GPSM2: variants seen among roughly 807,000 people sequenced by gnomAD.
GPSM2 encodes the protein G protein signaling modulator 2.
A neutral mutation model predicts 78.4 loss-of-function variants in GPSM2; 58 were observed. The ratio of observed to expected loss-of-function variants is 0.74; its 90% confidence interval spans 0.60 to 0.92. The LOEUF is 0.92. Among genes scored for constraint, GPSM2 ranks in the 40% least tolerant of loss-of-function variants. GPSM2 has a pLI of 0.00. For synonymous variants in GPSM2, 224 were observed against 280.2 expected, an observed-to-expected ratio of 0.80 and a Z score of 2.00; for missense variants, 700 against 815.5, an observed-to-expected ratio of 0.86 and a Z score of 1.73.
At chr1:108,887,131 G>A (rs1251780741) in intron 2 of GPSM2, among the ~76,000 whole-genome samples, 1 of 152,070 alleles carries the variant, frequency 6.6e-6, no homozygotes, top group Admixed American at 6.6e-5. Flanking sequence ...CAAGTGATAT[G>A]CCCGCCTTGG....
intron 10 of GPSM2, among the ~76,000 whole-genome samples, chr1:108,905,887 T>C (rs1258152952): frequency 2.0e-5 from 3 of 152,184 alleles, no homozygotes; most frequent in African/African-American, 7.2e-5. Flanking sequence ...ATTACTTAAC[T>C]TTGGTTAATT....
intron 8 of GPSM2, 26 bp from the exon 9 acceptor site, chr1:108,903,100 C>T: frequency 7.5e-7 from 1 of 1,340,006 alleles, no homozygotes; most frequent in Non-Finnish European, 1.1e-6. Context: ...CAAATAACTG[C>T]ATGTTCGCTT....
intron 1 of GPSM2, among the ~76,000 whole-genome samples, chr1:108,884,043 A>G (rs1023366611): frequency 6.6e-6 from 1 of 152,032 alleles, no homozygotes; most frequent in African/African-American, 2.4e-5. Context: ...CCCGGGTTCA[A>G]GTGATTCTCA....
At chr1:108,904,924 A>G (rs1481335014) in intron 10 of GPSM2, among the ~76,000 whole-genome samples, 2 of 152,188 alleles carry the variant, frequency 1.3e-5, no homozygotes, top group African/African-American at 4.8e-5. Context: ...TTTAAATTTC[A>G]TCAGTATGTG....
intron 11 of GPSM2, among the ~76,000 whole-genome samples, 155 bp from the exon 12 acceptor site, chr1:108,918,458 A>G (rs908797696): frequency 6.6e-6 from 1 of 152,242 alleles, no homozygotes; most frequent in Non-Finnish European, 1.5e-5. Context: ...ATAGTGCAAT[A>G]TACTAAAAAG....
At chr1:108,929,396 C>T in intron 14 of GPSM2, 1 of 361,250 alleles carries the variant, frequency 2.8e-6, no homozygotes, top group South Asian at 2.8e-5. Flanking sequence ...TGTCTTTTAT[C>T]CTTGTGACCA....
rs201481482 is a variant in GPSM2, at chr1:108,922,546, T to A, written c.1570T>A (p.Ser524Thr). 4.9e-6 allele frequency: 4 copies of A among 822,286 alleles called. No homozygotes were observed. The highest frequency in any genetic ancestry group is 5.0e-6 in the Non-Finnish European group (3 of 605,360). 50.9% of individuals were successfully genotyped at this position (822,286 alleles called of 1,614,324 possible). Residue 524 changes from serine (S) to threonine (T), a missense_variant, in exon 13 of 15, where the codon TCT becomes ACT. Coordinates refer to ENST00000264126, the MANE Select transcript of GPSM2 (RefSeq NM_013296.5). The stretch of plus-strand genomic sequence containing the variant: ...CTGCCATACAGCTTCAACAACAACT[T>A]CTTCCACTCCCCCTAAAATGATGCT... ...KNCHTASTTT[S>T]STPPKMMLKT... is the part of the protein sequence containing the mutation.
chr1:108,911,780 A>G (rs1239809699), intron 10 of GPSM2, among the ~76,000 whole-genome samples: 2 of 150,442 alleles, frequency 1.3e-5, no homozygotes, highest in Non-Finnish European at 2.9e-5. Context: ...GTGATAAACC[A>G]TACTCAAGTG....
intron 12 of GPSM2, among the ~76,000 whole-genome samples, chr1:108,920,227 G>A (rs895443966): frequency 3.9e-5 from 6 of 151,996 alleles, no homozygotes; most frequent in Non-Finnish European, 7.4e-5. Flanking sequence ...CCAGCACTTC[G>A]GGAGGCCAAG....
In GPSM2 at chr1:108,931,642, A is replaced by G; in HGVS notation, c.*1702A>G. The G allele has an allele frequency of 1.9e-6, 2 of 1,064,300 alleles. No individual in the cohort carries two copies. The highest frequency in any genetic ancestry group is 2.8e-5 in the East Asian group (1 of 35,318). 65.9% of individuals were successfully genotyped at this position (1,064,300 alleles called of 1,614,324 possible). A position where few individuals can be genotyped will look rare whatever the true frequency, so the allele number is the denominator to read the frequency against. On this transcript the variant is annotated 3_prime_UTR_variant, in exon 15 of 15. Transcript: ENST00000264126. ...AAGTGCTCAGCTAAAAAAAAAAAAA[A>G]AGTTCTAAATTACAACCTGGATTAC...
At chr1:108,900,907 G>C (rs1251468989) in intron 7 of GPSM2, among the ~76,000 whole-genome samples, 1 of 144,548 alleles carries the variant, frequency 6.9e-6, no homozygotes, top group Non-Finnish European at 1.5e-5. Flanking sequence ...AGTTATAAGT[G>C]ATATGAAGTA....
chr1:108,886,999 G>T (rs1193605211), intron 2 of GPSM2, among the ~76,000 whole-genome samples: 3 of 151,728 alleles, frequency 2.0e-5, no homozygotes, highest in Non-Finnish European at 2.9e-5. Context: ...CGATTCTCTT[G>T]TCTCAGCTTC....
chr1:108,929,328 ACAGTTGATG>A, intron 14 of GPSM2, among the ~76,000 whole-genome samples: 1 of 152,200 alleles, frequency 6.6e-6, no homozygotes, highest in Non-Finnish European at 1.5e-5. Flanking sequence ...GTTAAGTTAC[ACAGTTGATG>A]CCTGTTAGAT....
intron 10 of GPSM2, chr1:108,909,566 G>A (rs1649534724): frequency 6.6e-6 from 1 of 152,162 alleles, no homozygotes; most frequent in African/African-American, 2.4e-5. Flanking sequence ...TTTGTGGCAT[G>A]TGACTTACAT....
In GPSM2 at chr1:108,934,534, T is replaced by C. The variant is rs1652565920; in HGVS notation, c.*4594T>C. The C allele has an allele frequency of 3.1e-6, 3 of 969,610 alleles. No individual in the cohort carries two copies. The highest frequency in any genetic ancestry group is 3.0e-6 in the Non-Finnish European group (2 of 671,456). The allele number at this position is 969,610 out of a possible 1,614,324, so 60.1% of individuals were successfully genotyped here. A position where few individuals can be genotyped will look rare whatever the true frequency, so the allele number is the denominator to read the frequency against. The stretch of plus-strand genomic sequence containing the variant: ...CTAATTGTCAGTAAAAATGTGAATG[T>C]TGAAGTTGAAATGTGAATGTTGAAG... On this transcript the variant is annotated 3_prime_UTR_variant, in exon 15 of 15. Coordinates refer to ENST00000264126, the MANE Select transcript of GPSM2 (RefSeq NM_013296.5).
chr1:108,931,624 C>T lies in GPSM2; in HGVS notation c.*1684C>T. On this transcript the variant is annotated 3_prime_UTR_variant, in exon 15 of 15. Coordinates refer to ENST00000264126, the MANE Select transcript of GPSM2 (RefSeq NM_013296.5). Reference sequence around the variant, plus strand: ...CCTGGAATTAATTACATTAAGTGCTCAGCTAAAAAAAAAAAAAAAGTTCTA... The same window carrying T: ...CCTGGAATTAATTACATTAAGTGCTTAGCTAAAAAAAAAAAAAAAGTTCTA... 1.9e-6 allele frequency: 2 copies of T among 1,045,580 alleles called. No individual in the cohort carries two copies. The highest frequency in any genetic ancestry group is 1.2e-6 in the Non-Finnish European group (1 of 801,272). 64.8% of individuals were successfully genotyped at this position (1,045,580 alleles called of 1,614,324 possible).
chr1:108,886,884 G>A (rs200608327), intron 2 of GPSM2, among the ~76,000 whole-genome samples: 2 of 151,230 alleles, frequency 1.3e-5, no homozygotes, highest in African/African-American at 4.9e-5. Context: ...GTGTGTTTTT[G>A]TGTTTTTGTT....
At chr1:108,926,728 A>T (rs1651143478) in intron 14 of GPSM2, 1 of 152,240 alleles carries the variant, frequency 6.6e-6, no homozygotes, top group Non-Finnish European at 1.5e-5. Context: ...CTACCAGAAC[A>T]TAATAAAAGC....
chr1:108,918,631 G>T lies in GPSM2; in HGVS notation c.1282G>T (p.Glu428Ter). ...TTTGTAGGTACAGAACTGGAACAGT[G>T]AAATTCTTGCTAAGCAAAAACCTCT... is the stretch of plus-strand genomic sequence containing the variant. ...TPEKVQNWNS[E>*]ILAKQKPLIA... The change falls in exon 12 of 15, where the codon GAA becomes TAA. Residue 428 changes from glutamate (E) to a stop codon, truncating the protein, a stop_gained. Transcript: ENST00000264126. LOFTEE classifies it high-confidence loss of function. 1 of 1,613,448 alleles carries T rather than the reference G, an allele frequency of 6.2e-7. No individual in the cohort carries two copies. Among genetic ancestry groups the T allele is most frequent in the Non-Finnish European group, 8.5e-7 (1 of 1,179,454 alleles).
Sources: gnomAD v4.1 joint callset for allele counts (sites outside exome capture counted in the v4.1 genomes callset) on GRCh38, gnomAD v4.1.1 for gene constraint, MANE v1.5 for transcripts, NCBI Gene and HGNC (gene_info 2026-07-23, HGNC 2026-07-21) for gene names.